Variants in ASIC5 observed in about 807,000 individuals in gnomAD.
ASIC5 encodes the protein acid sensing ion channel subunit family member 5.
A neutral mutation model predicts 51.2 loss-of-function variants in ASIC5; 52 were observed. The ratio of observed to expected loss-of-function variants is 1.02; its 90% confidence interval spans 0.81 to 1.28. The LOEUF (loss-of-function observed/expected upper bound fraction) is 1.28. ASIC5 is among the 50% of genes most tolerant of loss of function. The pLI is 0.00. For missense variants in ASIC5, 635 were observed against 595.0 expected (o/e 1.07, Z -0.70); for synonymous variants, 231 against 200.7 (o/e 1.15, Z -1.28).
chr4:155,836,642 A>AC (rs1740986431), intron 8 of ASIC5, 47 bp downstream of exon 8: 2 of 1,290,450 alleles, frequency 1.5e-6, no homozygotes, highest in African/African-American at 3.0e-5. Flanking sequence ...ATAAAGAAAA[A>AC]AAAATCTATG....
intron 4 of ASIC5, among the ~76,000 whole-genome samples, chr4:155,845,133 G>A (rs1343716316): frequency 6.6e-6 from 1 of 152,004 alleles, no homozygotes; most frequent in Admixed American, 6.6e-5. Context: ...GACTACTAAA[G>A]GGGCTTTATT....
chr4:155,840,072 G>C (rs905440394), intron 6 of ASIC5, among the ~76,000 whole-genome samples: 4 of 152,100 alleles, frequency 2.6e-5, no homozygotes, highest in Non-Finnish European at 5.9e-5. Flanking sequence ...GAATGCATTT[G>C]ATATATATGC....
rs60209135 is a variant in ASIC5, at chr4:155,839,348, TACAC to T, written c.1010-483_1010-480del. ...TTCCATCCTGCTCCCTCTATCCATTTACACACACACACACACACACACACACACA... is the reference window on the plus strand; with the variant it reads ...TTCCATCCTGCTCCCTCTATCCATTTACACACACACACACACACACACACA... On this transcript the variant is annotated intron_variant, in intron 6 of 9. Transcript: ENST00000537611. 8.1e-3 allele frequency among the ~76,000 whole-genome samples: 1,199 copies of T among 147,420 alleles called. 13 individuals are homozygous for T. Among genetic ancestry groups the T allele is most frequent in the African/African-American group, 0.024 (950 of 39,904 alleles).
chr4:155,859,334 G>A (rs1354132617), intron 2 of ASIC5, among the ~76,000 whole-genome samples: 3 of 151,290 alleles, frequency 2.0e-5, no homozygotes, highest in African/African-American at 7.3e-5. Flanking sequence ...TGAATATATA[G>A]GCCATTTTCA....
At position 155,854,134 on chromosome 4, in the gene ASIC5, A is replaced by T; in HGVS notation, c.528T>A (p.Tyr176Ter). The T allele has an allele frequency of 6.2e-7, 1 of 1,613,464 alleles. No homozygotes were observed. The highest frequency in any genetic ancestry group is 8.5e-7 in the Non-Finnish European group (1 of 1,179,642). The change falls in exon 3 of 10, where the codon TAT (tyrosine) becomes TAA (stop). Residue 176 changes from tyrosine to a stop codon, truncating the protein, a stop_gained. Coordinates refer to ENST00000537611, the MANE Select transcript of ASIC5 (RefSeq NM_017419.3). LOFTEE classifies it high-confidence loss of function. ...AGTCCAACAAAGTGCTATTGTTGAG[A>T]TAAAAACCTTTGTTCCTGATAAATT... The part of the protein sequence containing the change: ...IVEFIRNKGF[Y>*]LNNSTLLDCE...
chr4:155,836,581 G>C, intron 8 of ASIC5, 108 bp downstream of exon 8: 2 of 644,228 alleles, frequency 3.1e-6, no homozygotes, highest in Non-Finnish European at 5.2e-6. Context: ...AAAAGCCATT[G>C]CCTCCCTTGA....
Position 155,854,262 on chromosome 4 carries a change from T to C in ASIC5, c.400A>G (p.Ile134Val). 6.2e-7 allele frequency: 1 copy of C among 1,613,276 alleles called. No individual in the cohort carries two copies. The highest frequency in any genetic ancestry group is 8.5e-7 in the Non-Finnish European group (1 of 1,179,566). Residue 134 changes from isoleucine to valine, a missense_variant, in exon 3 of 10, where the codon ATT (isoleucine) becomes GTT (valine). Ile to Val is a conservative substitution (Grantham distance 29). Transcript: ENST00000537611. The part of the protein sequence containing the change: ...KFGVIFFLWH[I>V]VSKVLHLQEI... ...TGAAGATGGAGGACTTTGGATACAA[T>C]GTGCCATAAGAAAAAAATAACACCA...
At chr4:155,839,140 T>G (rs1401969424) in intron 6 of ASIC5, among the ~76,000 whole-genome samples, 1 of 152,196 alleles carries the variant, frequency 6.6e-6, no homozygotes, top group Non-Finnish European at 1.5e-5. Context: ...GCGGGAATAA[T>G]AATTTTCAAA....
intron 2 of ASIC5, among the ~76,000 whole-genome samples, chr4:155,854,558 A>G (rs1201107059): frequency 6.6e-6 from 1 of 152,072 alleles, no homozygotes; most frequent in Non-Finnish European, 1.5e-5. Flanking sequence ...GATGACACCT[A>G]ATGGATCTTC....
intron 2 of ASIC5, among the ~76,000 whole-genome samples, chr4:155,863,230 G>A (rs1477667977): frequency 6.6e-6 from 1 of 151,916 alleles, no homozygotes; most frequent in Non-Finnish European, 1.5e-5. Context: ...ATATGATTGT[G>A]GAAGGAAGGA....
At chr4:155,843,483 T>C (rs1300160697) in intron 5 of ASIC5, among the ~76,000 whole-genome samples, 198 bp downstream of exon 5, 2 of 152,152 alleles carry the variant, frequency 1.3e-5, no homozygotes, top group Admixed American at 1.3e-4. Flanking sequence ...TTTGATAGGC[T>C]TCCCAGCTTT....
Position 155,866,251 on chromosome 4 carries a change from C to T in ASIC5, c.-25G>A. On this transcript the variant is annotated 5_prime_UTR_variant, in exon 1 of 10. Coordinates refer to ENST00000537611, the MANE Select transcript of ASIC5 (RefSeq NM_017419.3). ...TTTGTGATTTCAGTTAAGCAAGAGTCCTCAGGGTAACCCAATTTTCATCAA... is the reference window on the plus strand; with the variant it reads ...TTTGTGATTTCAGTTAAGCAAGAGTTCTCAGGGTAACCCAATTTTCATCAA... 1 of 1,597,086 alleles carries T rather than the reference C, an allele frequency of 6.3e-7. No individual in the cohort carries two copies. The highest frequency in any genetic ancestry group is 8.6e-7 in the Non-Finnish European group (1 of 1,166,416).
At chr4:155,865,359 A>G (rs938149358) in intron 1 of ASIC5, among the ~76,000 whole-genome samples, 1 of 152,106 alleles carries the variant, frequency 6.6e-6, no homozygotes, top group African/African-American at 2.4e-5. Context: ...AATTAGCAAA[A>G]TATATTTAAA....
chr4:155,836,363 T>C (rs868183387), intron 8 of ASIC5, among the ~76,000 whole-genome samples: 3 of 152,220 alleles, frequency 2.0e-5, no homozygotes, highest in Non-Finnish European at 4.4e-5. Context: ...AAGTGTATAA[T>C]GTACAGGTAG....
chr4:155,845,292 A>ATG lies in ASIC5; in HGVS notation c.712-1464_712-1463dup, dbSNP rs762801020. Among the ~76,000 whole-genome samples the ATG allele has an allele frequency of 2.9e-4, 44 of 150,970 alleles. No individual in the cohort carries two copies. The South Asian group carries it at 8.3e-3, about 29-fold the overall frequency. On this transcript the variant is annotated intron_variant, in intron 4 of 9. Transcript: ENST00000537611. ...CTTAATTAAAAGATTAACATCCAAG[A>ATG]TGTGTGTGTGTATGTGTGCATGTGT...
intron 3 of ASIC5, among the ~76,000 whole-genome samples, chr4:155,852,653 G>T (rs1200804694): frequency 6.6e-6 from 1 of 151,926 alleles, no homozygotes; most frequent in Non-Finnish European, 1.5e-5. Context: ...CTTTCTTGGA[G>T]GAGCTATGCC....
At chr4:155,832,427 G>C (rs537256724) in intron 8 of ASIC5, among the ~76,000 whole-genome samples, 2 of 152,248 alleles carry the variant, frequency 1.3e-5, no homozygotes, top group Admixed American at 6.5e-5. Flanking sequence ...TATTAACTAT[G>C]TGTCATTAAT....
intron 8 of ASIC5, among the ~76,000 whole-genome samples, chr4:155,832,672 C>A (rs1323479513): frequency 6.6e-6 from 1 of 152,118 alleles, no homozygotes; most frequent in African/African-American, 2.4e-5. Context: ...CGTTCCAAGT[C>A]AAATCCTTCA....
chr4:155,849,708 T>C (rs1165895498), intron 4 of ASIC5, among the ~76,000 whole-genome samples: 3 of 152,044 alleles, frequency 2.0e-5, no homozygotes, highest in Admixed American at 1.3e-4. Flanking sequence ...ATGTTTTCAA[T>C]TTTTTTCTTT....
Sources: allele counts gnomAD v4.1 joint callset (sites outside exome capture counted in the v4.1 genomes callset), GRCh38; gene constraint gnomAD v4.1.1; transcripts MANE v1.5; gene names NCBI Gene and HGNC (gene_info 2026-07-23, HGNC 2026-07-21).